GFPT1: variants seen among roughly 807,000 people sequenced by gnomAD.
GFPT1 encodes glutamine--fructose-6-phosphate transaminase 1.
In GFPT1, 40 loss-of-function variants were observed where a neutral mutation model predicts 92.0. That is an observed-to-expected ratio of 0.43 (90% confidence interval 0.34 to 0.57). The LOEUF is 0.57. Ranked by LOEUF, GFPT1 falls within the 20% of genes least tolerant of loss-of-function variation. GFPT1 has a pLI of 0.02. For missense variants in GFPT1, 448 were observed against 869.1 expected (o/e 0.52, Z 6.09); for synonymous variants, 269 against 280.6 (o/e 0.96, Z 0.41).
chr2:69,359,047 TA>T (rs1404593640), intron 5 of GFPT1, among the ~76,000 whole-genome samples: 3 of 152,248 alleles, frequency 2.0e-5, no homozygotes, highest in Non-Finnish European at 4.4e-5. Context: ...TTGTCATGTA[TA>T]TTACAGTCAA....
At chr2:69,351,855 G>T (rs1459099117) in intron 9 of GFPT1, among the ~76,000 whole-genome samples, 1 of 152,178 alleles carries the variant, frequency 6.6e-6, no homozygotes, top group East Asian at 1.9e-4. Flanking sequence ...CAGGTTGAGG[G>T]ACCTTATTGA....
intron 2 of GFPT1, among the ~76,000 whole-genome samples, chr2:69,370,773 G>C (rs1342573758): frequency 6.6e-6 from 1 of 152,152 alleles, no homozygotes; most frequent in Non-Finnish European, 1.5e-5. Flanking sequence ...AAGTGAGAAA[G>C]CAGGAGAAGT....
rs1029303387 is a variant in GFPT1, at chr2:69,326,093, G to A, written c.*96C>T. 4.0e-6 allele frequency: 3 copies of A among 745,578 alleles called. No homozygotes were observed. Among genetic ancestry groups the A allele is most frequent in the Non-Finnish European group, 4.6e-6 (2 of 430,204 alleles). 46.2% of individuals were successfully genotyped at this position (745,578 alleles called of 1,614,324 possible). A position where few individuals can be genotyped will look rare whatever the true frequency, so the allele number is the denominator to read the frequency against. ...ATAAATAAGGATTTACTAAAAAAAG[G>A]CTTCAAGGGGTGATATTTTAAATCA... On this transcript the variant is annotated 3_prime_UTR_variant, in exon 20 of 20. Transcript: ENST00000357308.
chr2:69,380,524 T>G (rs1190667006), intron 1 of GFPT1, among the ~76,000 whole-genome samples: 1 of 152,202 alleles, frequency 6.6e-6, no homozygotes, highest in East Asian at 1.9e-4. Flanking sequence ...TTTAACATTC[T>G]GGAGCTCAAA....
rs560748339 is a variant in GFPT1 at position 69,342,336 on chromosome 2, T to C, written c.1106-87A>G. Reference sequence around the variant, plus strand: ...ATTTTGTGAGTATCCACTGCCAATATGAGGAAGAATACTGCTGTTTTAAAG... The same window carrying C: ...ATTTTGTGAGTATCCACTGCCAATACGAGGAAGAATACTGCTGTTTTAAAG... On this transcript the variant is annotated intron_variant, in intron 12 of 19. Transcript: ENST00000357308. The C allele has an allele frequency of 5.1e-4, 409 of 807,804 alleles. 9 individuals carry two copies. The South Asian group carries it at 5.5e-3, about 11-fold the overall frequency. 50.0% of individuals were successfully genotyped at this position (807,804 alleles called of 1,614,324 possible).
intron 12 of GFPT1, among the ~76,000 whole-genome samples, chr2:69,345,599 C>T (rs371812631): frequency 4.1e-4 from 62 of 152,314 alleles, no homozygotes; most frequent in African/African-American, 1.5e-3. Context: ...CAATCCATTT[C>T]TGTAATTTCA....
chr2:69,326,340 T>C (rs1369097103), intron 19 of GFPT1, 107 bp from the exon 20 acceptor site: 4 of 706,296 alleles, frequency 5.7e-6, no homozygotes, highest in Admixed American at 2.2e-5. Context: ...CAGAAAACAA[T>C]ACATTCATTA....
At chr2:69,364,640 A>G (rs1442523261) in intron 3 of GFPT1, among the ~76,000 whole-genome samples, 1 of 152,266 alleles carries the variant, frequency 6.6e-6, no homozygotes, top group Non-Finnish European at 1.5e-5. Flanking sequence ...AGAACCGAGC[A>G]ATGCTATGAA....
At chr2:69,367,420 G>A (rs1388789853) in intron 3 of GFPT1, among the ~76,000 whole-genome samples, 1 of 152,078 alleles carries the variant, frequency 6.6e-6, no homozygotes, top group African/African-American at 2.4e-5. Context: ...GAGTGCAGTG[G>A]CACGATCTCA....
At chr2:69,367,424 G>C (rs548602480) in intron 3 of GFPT1, among the ~76,000 whole-genome samples, 2 of 152,014 alleles carry the variant, frequency 1.3e-5, no homozygotes, top group Non-Finnish European at 2.9e-5. Context: ...GCAGTGGCAC[G>C]ATCTCAGCTC....
chr2:69,364,994 C>CAAAAAA (rs58848043), intron 3 of GFPT1, among the ~76,000 whole-genome samples: 4 of 44,164 alleles, frequency 9.1e-5, no homozygotes, highest in African/African-American at 2.4e-4. Flanking sequence ...GACTCCCTCT[C>CAAAAAA]AAAAAAAAAA....
chr2:69,359,204 G>C (rs1393070990), intron 5 of GFPT1, 64 bp downstream of exon 5: 8 of 854,812 alleles, frequency 9.4e-6, no homozygotes, highest in Non-Finnish European at 1.6e-5. Flanking sequence ...CCCAACAACC[G>C]ACCCCAGTGC....
chr2:69,348,846 G>GCT (rs1388125781), intron 10 of GFPT1, among the ~76,000 whole-genome samples: 1 of 152,000 alleles, frequency 6.6e-6, no homozygotes, highest in Non-Finnish European at 1.5e-5. Flanking sequence ...TTTCCCTTTG[G>GCT]CTCTCAGAGA....
In GFPT1 at chr2:69,322,074, G is replaced by GA. The variant is rs1670414120; in HGVS notation, c.*4114dup. 1.3e-5 allele frequency: 2 copies of GA among 152,028 alleles called. No homozygotes were observed. The highest frequency in any genetic ancestry group is 4.8e-5 in the African/African-American group (2 of 41,402). The allele number at this position is 152,028 out of a possible 1,614,324, so 9.4% of individuals were successfully genotyped here. A position where few individuals can be genotyped will look rare whatever the true frequency, so the allele number is the denominator to read the frequency against. ...TATTAACAATCTTCAAGTATAGTGA[G>GA]AAAAAAACTGATTTAAGTGTTAGCA... is the stretch of plus-strand genomic sequence containing the variant. On this transcript the variant is annotated 3_prime_UTR_variant, in exon 20 of 20. Transcript: ENST00000357308.
intron 1 of GFPT1, among the ~76,000 whole-genome samples, chr2:69,385,544 ATT>A (rs72202391): frequency 1.7e-5 from 1 of 60,022 alleles, no homozygotes; most frequent in African/African-American, 4.7e-5. Context: ...TTATTTATTT[ATT>A]TTTTTTTCAG....
At position 69,374,049 on chromosome 2, in the gene GFPT1, G is replaced by A. The variant is rs773258998; in HGVS notation, c.72C>T (p.Ile24=). The part of the protein sequence containing the change: ...RTRREILETL[I]KGLQRLEYRG... ...TGTACTCCAGTCTCTGAAGGCCTTT[G>A]ATTAGGGTCTCCAGGATTTCTCGTC... The change falls in exon 2 of 20, where the codon ATC becomes ATT. Residue 24 remains isoleucine, a synonymous_variant. Transcript: ENST00000357308. 3.8e-6 allele frequency: 6 copies of A among 1,599,816 alleles called. No individual in the cohort carries two copies.
chr2:69,337,311 C>T (rs866627784), intron 15 of GFPT1, among the ~76,000 whole-genome samples: 1 of 151,964 alleles, frequency 6.6e-6, no homozygotes, highest in East Asian at 1.9e-4. Context: ...ATGATCCGCC[C>T]GCCTCAGCCT....
chr2:69,353,163 A>T (rs980069987), intron 9 of GFPT1, among the ~76,000 whole-genome samples: 1 of 152,226 alleles, frequency 6.6e-6, no homozygotes, highest in Non-Finnish European at 1.5e-5. Flanking sequence ...TGGGAGGCTG[A>T]GGCAGGTGGA....
In GFPT1 at chr2:69,346,004, A is replaced by T; in HGVS notation, c.1010-5T>A. On this transcript the variant is annotated splice_polypyrimidine_tract_variant and splice_region_variant and intron_variant, in intron 11 of 19. Coordinates refer to ENST00000357308, the MANE Select transcript of GFPT1 (RefSeq NM_001244710.2). The stretch of plus-strand genomic sequence containing the variant: ...GCATAAATGAACTGAAGTTGCCTAT[A>T]GTAATAGAAATCACATAATTAAAAC... The T allele has an allele frequency of 6.7e-7, 1 of 1,500,694 alleles. No homozygotes were observed. The highest frequency in any genetic ancestry group is 1.4e-5 in the African/African-American group (1 of 72,886). The allele number at this position is 1,500,694 out of a possible 1,614,324, so 93.0% of individuals were successfully genotyped here. A position where few individuals can be genotyped will look rare whatever the true frequency, so the allele number is the denominator to read the frequency against.
Sources: allele counts gnomAD v4.1 joint callset (sites outside exome capture counted in the v4.1 genomes callset), GRCh38; gene constraint gnomAD v4.1.1; transcripts MANE v1.5; gene names NCBI Gene and HGNC (gene_info 2026-07-23, HGNC 2026-07-21).